Variants in SH3TC2 observed in about 807,000 individuals in gnomAD.
SH3TC2 encodes SH3 domain and tetratricopeptide repeat-containing protein 2.
Under a neutral mutation model 124.5 loss-of-function variants are expected in SH3TC2, and 87 were observed. That is an observed-to-expected ratio of 0.70 (90% CI 0.59 to 0.84). The LOEUF (loss-of-function observed/expected upper bound fraction) is 0.84, where lower values mean the gene tolerates loss of function less well. Among genes scored for constraint, SH3TC2 ranks in the 40% least tolerant of loss-of-function variants. The probability of loss-of-function intolerance (pLI) is 0.00; values close to 1 mark genes in which losing one functional copy is unlikely to be tolerated. For synonymous variants in SH3TC2, 634 were observed against 628.5 expected (o/e 1.01, Z -0.13); for missense variants, 1,536 against 1,566.4 (o/e 0.98, Z 0.33).
Position 149,007,003 on chromosome 5 carries a change from C to A in SH3TC2, c.3553G>T (p.Ala1185Ser). 1 of 1,614,182 alleles carries A rather than the reference C, an allele frequency of 6.2e-7. No individual in the cohort carries two copies. Among genetic ancestry groups the A allele is most frequent in the Non-Finnish European group, 8.5e-7 (1 of 1,180,034 alleles). The change falls in exon 16 of 17, where the codon GCT (alanine) becomes TCT (serine). Residue 1185 changes from alanine (A) to serine (S), a missense_variant. Physicochemically the swap from Ala to Ser is moderately conservative, Grantham distance 99. Around this residue, in one of 3 missense-constraint regions of SH3TC2, gnomAD observed 426 missense variants for 443.5 expected, o/e 0.96. Transcript: ENST00000515425. Reference sequence around the variant, plus strand: ...AGGGTCTTCAGGTAGCAGTCCTCAGCCATCTCATACATGTGCAGGGAGTAG... The same window carrying A: ...AGGGTCTTCAGGTAGCAGTCCTCAGACATCTCATACATGTGCAGGGAGTAG... ...VYYSLHMYEM[A>S]EDCYLKTLSL...
At chr5:149,036,657 C>T (rs1040747128) in intron 8 of SH3TC2, among the ~76,000 whole-genome samples, 1 of 152,198 alleles carries the variant, frequency 6.6e-6, no homozygotes, top group African/African-American at 2.4e-5. Context: ...TCCTTCATCC[C>T]TGGGGTCCTC....
intron 16 of SH3TC2, 116 bp downstream of exon 16, chr5:149,006,762 TCTC>T: frequency 9.7e-7 from 1 of 1,029,640 alleles, no homozygotes; most frequent in South Asian, 1.3e-5. Context: ...AGACAAGACT[TCTC>T]ATCTTGGCAC....
At chr5:149,011,769 A>C (rs1753786359) in intron 13 of SH3TC2, among the ~76,000 whole-genome samples, 1 of 152,198 alleles carries the variant, frequency 6.6e-6, no homozygotes, top group Non-Finnish European at 1.5e-5. Context: ...AAGAGAGAAA[A>C]TAAAACATGG....
intron 12 of SH3TC2, among the ~76,000 whole-genome samples, chr5:149,014,365 A>G (rs2127393784): frequency 6.6e-6 from 1 of 152,322 alleles, no homozygotes; most frequent in South Asian, 2.1e-4. Context: ...AGAAATACCG[A>G]TCATCATCAA....
Position 148,993,207 on chromosome 5 carries a change from G to A in SH3TC2, c.*11504C>T, listed in dbSNP as rs914666636. 6.6e-6 allele frequency among the ~76,000 whole-genome samples: 1 copy of A among 152,022 alleles called. No homozygotes were observed. The highest frequency in any genetic ancestry group is 1.9e-4 in the East Asian group (1 of 5,192). On this transcript the variant is annotated 3_prime_UTR_variant, in exon 17 of 17. Coordinates refer to ENST00000515425, the MANE Select transcript of SH3TC2 (RefSeq NM_024577.4). ...GTGTTAATGAGCAAACATTCACAGGGGAATCAAATTATCCCAATAAAATTC... is the reference window on the plus strand; with the variant it reads ...GTGTTAATGAGCAAACATTCACAGGAGAATCAAATTATCCCAATAAAATTC...
intron 3 of SH3TC2, chr5:149,045,927 G>A (rs1481894158): frequency 9.9e-6 from 4 of 405,088 alleles, no homozygotes; most frequent in East Asian, 1.8e-4. Context: ...TTACAGGCGT[G>A]AGCCACCGCA....
intron 1 of SH3TC2, chr5:149,062,212 T>G: frequency 2.4e-6 from 1 of 411,776 alleles, no homozygotes; most frequent in Non-Finnish European, 4.9e-6. Flanking sequence ...CCCCCACCAA[T>G]CTAACCCCAC....
At position 149,028,536 on chromosome 5, in the gene SH3TC2, A is replaced by T. The variant is rs763564639; in HGVS notation, c.1196T>A (p.Phe399Tyr). 3 of 1,613,922 alleles carry T rather than the reference A, an allele frequency of 1.9e-6. No individual in the cohort carries two copies. In the East Asian group the frequency reaches 6.7e-5, roughly 36 times the overall value. ...NDLSASQPEG[F>Y]KEVRPGRAWE... is the part of the protein sequence containing the mutation. ...GGCTCTGCCAGGCCTGACCTCCTTG[A>T]AACCTTCAGGCTGGGATGCTGTAAG... is the stretch of plus-strand genomic sequence containing the variant. The change falls in exon 11 of 17, where the codon TTC becomes TAC. Residue 399 changes from phenylalanine to tyrosine, a missense_variant. By Grantham distance (22) the Phe-to-Tyr change is conservative (BLOSUM62 3). This residue lies in a region of SH3TC2 where 1,102 missense variants were observed against 1,098.6 expected (regional missense o/e 1.00). Coordinates refer to ENST00000515425, the MANE Select transcript of SH3TC2 (RefSeq NM_024577.4).
intron 1 of SH3TC2, among the ~76,000 whole-genome samples, chr5:149,056,392 C>T (rs993926353): frequency 6.6e-6 from 1 of 152,162 alleles, no homozygotes; most frequent in African/African-American, 2.4e-5. Flanking sequence ...CATTAGTTTG[C>T]TAAGAATAAT....
rs549484152 is a variant in SH3TC2 at position 148,982,283 on chromosome 5, C to T, written c.*22428G>A. ...AGGGCCTGAGGAAAAAGGCACTCTCCGCATTGTAGGAGAATACATTGACAA... is the reference window on the plus strand; with the variant it reads ...AGGGCCTGAGGAAAAAGGCACTCTCTGCATTGTAGGAGAATACATTGACAA... On this transcript the variant is annotated 3_prime_UTR_variant, in exon 17 of 17. Transcript: ENST00000515425. 1.6e-4 allele frequency among the ~76,000 whole-genome samples: 24 copies of T among 152,176 alleles called. No individual in the cohort carries two copies. Among genetic ancestry groups the T allele is most frequent in the African/African-American group, 3.9e-4 (16 of 41,516 alleles).
Position 148,987,566 on chromosome 5 carries a change from T to C in SH3TC2, c.*17145A>G, listed in dbSNP as rs1484117669. ...GCATATTCCATAAGACTTCCACATA[T>C]TTGGCTGGGTTTCTCACCTATAGCA... On this transcript the variant is annotated 3_prime_UTR_variant, in exon 17 of 17. Coordinates refer to ENST00000515425, the MANE Select transcript of SH3TC2 (RefSeq NM_024577.4). Among the ~76,000 whole-genome samples the C allele has an allele frequency of 6.6e-6, 1 of 152,214 alleles. No individual in the cohort carries two copies. The highest frequency in any genetic ancestry group is 1.5e-5 in the Non-Finnish European group (1 of 68,040).
chr5:149,033,376 C>A (rs1347826731), intron 8 of SH3TC2, among the ~76,000 whole-genome samples: 1 of 152,170 alleles, frequency 6.6e-6, no homozygotes, highest in African/African-American at 2.4e-5. Context: ...CACTCTCCCC[C>A]ATATCTATAG....
At chr5:149,020,565 A>G (rs1486306381) in intron 12 of SH3TC2, among the ~76,000 whole-genome samples, 1 of 152,224 alleles carries the variant, frequency 6.6e-6, no homozygotes, top group African/African-American at 2.4e-5. Flanking sequence ...AAATGTTTCT[A>G]CTACATGCTG....
Position 148,983,397 on chromosome 5 carries a change from T to G in SH3TC2, c.*21314A>C, listed in dbSNP as rs534346258. On this transcript the variant is annotated 3_prime_UTR_variant, in exon 17 of 17. Transcript: ENST00000515425. Reference sequence around the variant, plus strand: ...CAGGTTCTGAGTGGATGAAAATAGCTCAAAAGGAGATAGCAAGGAGCACCA... The same window carrying G: ...CAGGTTCTGAGTGGATGAAAATAGCGCAAAAGGAGATAGCAAGGAGCACCA... Among the ~76,000 whole-genome samples the G allele has an allele frequency of 6.6e-6, 1 of 152,178 alleles. No individual in the cohort carries two copies. Among genetic ancestry groups the G allele is most frequent in the Admixed American group, 6.5e-5 (1 of 15,298 alleles).
At chr5:149,051,793 C>T (rs759181163) in intron 2 of SH3TC2, among the ~76,000 whole-genome samples, 2 of 152,252 alleles carry the variant, frequency 1.3e-5, no homozygotes, top group Non-Finnish European at 2.9e-5. Flanking sequence ...GCAGCAACAA[C>T]GTATGAACAA....
chr5:149,010,393 C>G lies in SH3TC2; in HGVS notation c.3205-1G>C. The stretch of plus-strand genomic sequence containing the variant: ...ACTTCAGGGCTGTCTGGATGGCTGC[C>G]TAGGTGGGACAGAGACAGCTGTTAA... On this transcript the variant is annotated splice_acceptor_variant, in intron 13 of 16. Transcript: ENST00000515425. LOFTEE classifies it high-confidence loss of function. The G allele has an allele frequency of 6.2e-7, 1 of 1,613,840 alleles. No individual in the cohort carries two copies. The highest frequency in any genetic ancestry group is 1.1e-5 in the South Asian group (1 of 91,062).
rs769557405 is a variant in SH3TC2 at position 149,027,877 on chromosome 5, C to T, written c.1855G>A (p.Val619Met). Residue 619 changes from valine to methionine, a missense_variant, in exon 11 of 17, where the codon GTG becomes ATG. By Grantham distance (21) the Val-to-Met change is conservative. Transcript: ENST00000515425. ...CCCACCACAATCCCCTGGCGCAGCA[C>T]GTAGGCCACCACGTCGAGTTCATGC... ...AKHELDVVAY[V>M]LRQGIVVGSS... 27 of 1,613,940 alleles carry T rather than the reference C, an allele frequency of 1.7e-5. No homozygotes were observed. Among genetic ancestry groups the T allele is most frequent in the East Asian group, 1.6e-4 (7 of 44,872 alleles).
At chr5:149,042,377 C>T (rs919774537) in intron 5 of SH3TC2, among the ~76,000 whole-genome samples, 24 of 152,222 alleles carry the variant, frequency 1.6e-4, no homozygotes, top group African/African-American at 5.5e-4. Flanking sequence ...ATGTGGAAAA[C>T]TTTCCAAAAT....
At chr5:149,016,924 CAAAA>C (rs753867645) in intron 12 of SH3TC2, among the ~76,000 whole-genome samples, 3 of 92,952 alleles carry the variant, frequency 3.2e-5, no homozygotes, top group Non-Finnish European at 4.4e-5. Flanking sequence ...GACTCCGTCT[CAAAA>C]AAAAAAAAAA....
Sources: allele counts gnomAD v4.1 joint callset (sites outside exome capture counted in the v4.1 genomes callset), GRCh38; gene constraint gnomAD v4.1.1; regional missense constraint gnomAD v4.1.1; transcripts MANE v1.5; gene names NCBI Gene and HGNC (gene_info 2026-07-23, HGNC 2026-07-21).